COL6A5: variants seen among roughly 807,000 people sequenced by gnomAD.
The protein encoded by COL6A5 is collagen type VI alpha 5 chain.
In COL6A5, 48 loss-of-function variants were observed where a neutral mutation model predicts 65.6. The ratio of observed to expected loss-of-function variants is 0.73; its 90% CI spans 0.58 to 0.93. COL6A5 has a LOEUF of 0.93. Ranked by LOEUF, COL6A5 falls within the 40% of genes least tolerant of loss-of-function variation. COL6A5 has a pLI of 0.00. For synonymous variants in COL6A5, 291 were observed against 322.8 expected (o/e 0.90, Z 1.05); for missense variants, 914 against 928.3 (o/e 0.98, Z 0.20).
At chr3:130,378,325 A>C (rs1392334569) in intron 3 of COL6A5, among the ~76,000 whole-genome samples, 5 of 151,994 alleles carry the variant, frequency 3.3e-5, no homozygotes, top group African/African-American at 4.8e-5. Flanking sequence ...CAGGCCAAAA[A>C]CCCAGGAGTT....
At chr3:130,402,540 A>G (rs1936851705) in intron 12 of COL6A5, among the ~76,000 whole-genome samples, 1 of 152,242 alleles carries the variant, frequency 6.6e-6, no homozygotes, top group Admixed American at 6.5e-5. Context: ...TGCATGTGGT[A>G]AAATTCCATT....
intron 7 of COL6A5, among the ~76,000 whole-genome samples, chr3:130,478,365 C>G (rs1248602070): frequency 6.6e-6 from 1 of 152,020 alleles, no homozygotes; most frequent in Non-Finnish European, 1.5e-5. Flanking sequence ...GAGAAGTCAC[C>G]TGATTGCTCT....
At chr3:130,347,438 G>A (rs765815298) in intron 1 of COL6A5, among the ~76,000 whole-genome samples, 2 of 151,904 alleles carry the variant, frequency 1.3e-5, no homozygotes, top group Non-Finnish European at 1.5e-5. Context: ...TCACCTCTCT[G>A]TTTGAAAAGA....
intron 4 of COL6A5, among the ~76,000 whole-genome samples, chr3:130,445,886 A>C (rs548750908): frequency 2.8e-4 from 42 of 152,282 alleles, no homozygotes; most frequent in Admixed American, 1.8e-3. Flanking sequence ...ATATTACTGC[A>C]TGTGAGTTAA....
At chr3:130,429,470 A>T, upstream of COL6A5, 1 of 993,176 alleles carries the variant, frequency 1.0e-6, no homozygotes, top group Non-Finnish European at 1.5e-6. Context: ...ATTTGCAGTT[A>T]GACTCAAATA....
intron 4 of COL6A5, among the ~76,000 whole-genome samples, chr3:130,383,244 A>T (rs1023416023): frequency 4.6e-5 from 7 of 152,064 alleles, no homozygotes; most frequent in Non-Finnish European, 1.0e-4. Flanking sequence ...AGCACTTGAA[A>T]TGTAGCTAGT....
chr3:130,415,692 G>A (rs1315740346), exon 23 of COL6A5: 3 of 1,548,146 alleles, frequency 1.9e-6, no homozygotes, highest in Admixed American at 2.0e-5. Context: ...GAAGCCAGGG[G>A]CAGAAAGGAC....
intron 7 of COL6A5, among the ~76,000 whole-genome samples, chr3:130,474,735 C>G (rs1395818158): frequency 6.6e-6 from 1 of 151,862 alleles, no homozygotes; most frequent in Non-Finnish European, 1.5e-5. Flanking sequence ...AGGCTGAGTG[C>G]AGTGGCTCAC....
chr3:130,389,104 AAACT>A, exon 6 of COL6A5: 2 of 1,445,010 alleles, frequency 1.4e-6, no homozygotes, highest in Non-Finnish European at 1.8e-6. Flanking sequence ...ACTAGAAAGG[AAACT>A]TATCTTTCGT....
intron 18 of COL6A5, 37 bp downstream of exon 18, chr3:130,409,425 A>T (rs747122271): frequency 2.7e-5 from 41 of 1,493,836 alleles, no homozygotes; most frequent in Non-Finnish European, 3.5e-5. Flanking sequence ...TGAATTTTAT[A>T]CTTGCTCCAC....
chr3:130,422,070 T>G (rs1937528545), intron 27 of COL6A5, among the ~76,000 whole-genome samples: 1 of 152,122 alleles, frequency 6.6e-6, no homozygotes, highest in African/African-American at 2.4e-5. Context: ...GTAGAATATC[T>G]AATTAATCAA....
intron 7 of COL6A5, among the ~76,000 whole-genome samples, chr3:130,393,715 G>A (rs1012547192): frequency 2.0e-5 from 3 of 152,186 alleles, no homozygotes; most frequent in Non-Finnish European, 2.9e-5. Context: ...GCTAAACAAA[G>A]CTCCAAACCT....
chr3:130,381,564 T>C (rs1935996190), intron 4 of COL6A5, among the ~76,000 whole-genome samples: 1 of 152,216 alleles, frequency 6.6e-6, no homozygotes, highest in South Asian at 2.1e-4. Context: ...TTAAGATTCT[T>C]TGTGAATCTG....
intron 17 of COL6A5, among the ~76,000 whole-genome samples, chr3:130,408,477 A>G (rs1038729142): frequency 2.6e-5 from 4 of 152,196 alleles, no homozygotes; most frequent in African/African-American, 9.7e-5. Flanking sequence ...ATGTTTATCA[A>G]TGACAATGTG....
chr3:130,393,005 C>A (rs1936452727), intron 7 of COL6A5, among the ~76,000 whole-genome samples: 1 of 151,970 alleles, frequency 6.6e-6, no homozygotes, highest in Admixed American at 6.6e-5. Context: ...ACCTGCCAGT[C>A]CACTTAACAC....
chr3:130,443,420 C>A, intron 3 of COL6A5, 56 bp from the exon 36 acceptor site: 1 of 1,291,030 alleles, frequency 7.7e-7, no homozygotes, highest in Non-Finnish European at 1.1e-6. Flanking sequence ...TTCTCTTTAC[C>A]TAGGAAACAT....
chr3:130,384,332 T>C (rs1936105860), intron 4 of COL6A5, among the ~76,000 whole-genome samples: 1 of 152,104 alleles, frequency 6.6e-6, no homozygotes, highest in African/African-American at 2.4e-5. Flanking sequence ...AATGCAACGA[T>C]AGATCATTTA....
At chr3:130,423,041 A>G (rs1378871391) in intron 28 of COL6A5, among the ~76,000 whole-genome samples, 1 of 152,114 alleles carries the variant, frequency 6.6e-6, no homozygotes, top group Admixed American at 6.6e-5. Context: ...TTACAAATTG[A>G]TAACTTGCTG....
At chr3:130,473,339 T>C (rs993991476) in intron 7 of COL6A5, among the ~76,000 whole-genome samples, 6 of 152,012 alleles carry the variant, frequency 3.9e-5, no homozygotes, top group Admixed American at 3.9e-4. Context: ...ACAGGAACTG[T>C]GTGGCAGTGA....
Sources: allele counts gnomAD v4.1 joint callset (sites outside exome capture counted in the v4.1 genomes callset), GRCh38; gene constraint gnomAD v4.1.1; transcripts MANE v1.5; gene names NCBI Gene and HGNC (gene_info 2026-07-23, HGNC 2026-07-21).